SYCP1: variants seen among roughly 807,000 people sequenced by gnomAD.
SYCP1 encodes the protein cancer/testis antigen 8.
Under a neutral mutation model 153.1 loss-of-function variants are expected in SYCP1, and 64 were observed. The observed-to-expected ratio is 0.42, with a 90% CI of 0.34 to 0.51. SYCP1 has a LOEUF of 0.51. SYCP1 is among the 20% of genes least tolerant of loss of function. The pLI, the probability that SYCP1 is intolerant of heterozygous loss-of-function variation, is 0.06. For missense variants in SYCP1, 997 were observed against 1,049.0 expected (o/e 0.95, Z 0.68); for synonymous variants, 384 against 341.8 (o/e 1.12, Z -1.36).
chr1:114,952,170 ACTAC>A (rs1404750287), intron 27 of SYCP1, among the ~76,000 whole-genome samples: 2 of 152,122 alleles, frequency 1.3e-5, no homozygotes, highest in Admixed American at 1.3e-4. Context: ...TTCTGAAACA[ACTAC>A]CTAAGAATAC....
chr1:114,865,430 A>T (rs1406291417), intron 8 of SYCP1, among the ~76,000 whole-genome samples: 1 of 152,222 alleles, frequency 6.6e-6, no homozygotes, highest in Non-Finnish European at 1.5e-5. Context: ...TCTAACAGGC[A>T]GTCAGCTCAC....
At chr1:114,990,323 C>T (rs1673837267) in intron 30 of SYCP1, among the ~76,000 whole-genome samples, 1 of 151,842 alleles carries the variant, frequency 6.6e-6, no homozygotes, top group Admixed American at 6.6e-5. Context: ...TATACCTAAA[C>T]TTATGGGATA....
At chr1:114,871,233 T>C (rs1665096463) in intron 8 of SYCP1, among the ~76,000 whole-genome samples, 2 of 151,724 alleles carry the variant, frequency 1.3e-5, no homozygotes. Context: ...AGTGGTGCCA[T>C]CTCGGTTCAC....
At chr1:114,972,944 C>T (rs72695841) in intron 27 of SYCP1, among the ~76,000 whole-genome samples, 3,501 of 152,168 alleles carry the variant, frequency 0.023, 56 homozygotes, top group South Asian at 0.035. Context: ...TCCAGTGTTT[C>T]GTAGTTTTCT....
chr1:114,953,544 A>G (rs1671243002), intron 27 of SYCP1, among the ~76,000 whole-genome samples: 1 of 152,204 alleles, frequency 6.6e-6, no homozygotes, highest in Non-Finnish European at 1.5e-5. Context: ...CTCTGTCACC[A>G]GCTGTTGAAA....
intron 12 of SYCP1, among the ~76,000 whole-genome samples, chr1:114,878,556 T>C (rs893049797): frequency 1.3e-5 from 2 of 152,066 alleles, no homozygotes; most frequent in African/African-American, 4.8e-5. Flanking sequence ...ATTATTTTTG[T>C]TTTTTGAGAT....
chr1:114,877,666 T>C (rs939980607), intron 11 of SYCP1, among the ~76,000 whole-genome samples: 1 of 152,198 alleles, frequency 6.6e-6, no homozygotes, highest in Non-Finnish European at 1.5e-5. Flanking sequence ...GTGTTTTTGC[T>C]GAGGACTCCT....
chr1:114,960,163 GTTTTTTTTTTTTT>G (rs757126453), intron 27 of SYCP1, among the ~76,000 whole-genome samples: 8 of 109,476 alleles, frequency 7.3e-5, no homozygotes, highest in African/African-American at 2.7e-4. Flanking sequence ...TAGTTTGCTT[GTTTTTTTTTTTTT>G]TTTTTTTTTG....
chr1:114,922,205 T>A (rs1668939534), intron 20 of SYCP1, among the ~76,000 whole-genome samples: 1 of 152,156 alleles, frequency 6.6e-6, no homozygotes, highest in Non-Finnish European at 1.5e-5. Context: ...TATTATCCCC[T>A]TGAATCAACT....
chr1:114,979,756 A>T (rs1316040443), intron 28 of SYCP1, among the ~76,000 whole-genome samples: 1 of 151,888 alleles, frequency 6.6e-6, no homozygotes, highest in African/African-American at 2.4e-5. Flanking sequence ...CGCAGGAAAG[A>T]TATAAGCCAT....
chr1:114,904,633 T>A (rs1208286939), intron 16 of SYCP1, among the ~76,000 whole-genome samples: 1 of 152,228 alleles, frequency 6.6e-6, no homozygotes, highest in Non-Finnish European at 1.5e-5. Flanking sequence ...GTAAATGTTA[T>A]ATTAGGTTTA....
At position 114,917,449 on chromosome 1, in the gene SYCP1, A is replaced by T. The variant is rs150021041; in HGVS notation, c.1718+3404A>T. ...GCCATTGTGAACAGTGCTTCAATTA[A>T]CAGAGTGCAAATGTCTCTTAGATAT... On this transcript the variant is annotated intron_variant, in intron 20 of 31. Coordinates refer to ENST00000369522, the MANE Select transcript of SYCP1 (RefSeq NM_003176.4). Among the ~76,000 whole-genome samples the T allele has an allele frequency of 3.9e-5, 6 of 152,248 alleles. No homozygotes were observed. The East Asian group carries it at 1.2e-3, about 29-fold the overall frequency.
At chr1:114,890,955 CA>C (rs1666666357) in intron 15 of SYCP1, among the ~76,000 whole-genome samples, 1 of 152,078 alleles carries the variant, frequency 6.6e-6, no homozygotes, top group Non-Finnish European at 1.5e-5. Flanking sequence ...CATAATGGTA[CA>C]AAAATTGTAT....
At chr1:114,962,943 G>T (rs756374045) in intron 27 of SYCP1, among the ~76,000 whole-genome samples, 9 of 152,114 alleles carry the variant, frequency 5.9e-5, no homozygotes, top group Non-Finnish European at 1.2e-4. Flanking sequence ...AGTTACACTG[G>T]ATACAAAATT....
intron 27 of SYCP1, among the ~76,000 whole-genome samples, chr1:114,951,116 G>A (rs759584071): frequency 3.9e-5 from 6 of 152,086 alleles, no homozygotes; most frequent in Admixed American, 6.6e-5. Flanking sequence ...GAGCCACCAC[G>A]CCCGGCCTAA....
intron 20 of SYCP1, among the ~76,000 whole-genome samples, chr1:114,922,540 T>C (rs938730708): frequency 6.6e-6 from 1 of 151,940 alleles, no homozygotes; most frequent in African/African-American, 2.4e-5. Context: ...CTTTTAAACA[T>C]CCAAATGTTG....
intron 15 of SYCP1, among the ~76,000 whole-genome samples, chr1:114,888,014 G>A (rs890120495): frequency 1.3e-5 from 2 of 151,928 alleles, no homozygotes; most frequent in Non-Finnish European, 2.9e-5. Flanking sequence ...ATAATTCTTC[G>A]TGAGAAATGT....
In SYCP1 at chr1:114,878,111, C is replaced by A. The variant is rs1396180029; in HGVS notation, c.819C>A (p.Ile273=). 6.4e-7 allele frequency: 1 copy of A among 1,573,294 alleles called. No individual in the cohort carries two copies. The highest frequency in any genetic ancestry group is 1.1e-5 in the South Asian group (1 of 88,354). The change falls in exon 12 of 32, where the codon ATC becomes ATA. Residue 273 remains isoleucine, a synonymous_variant. Transcript: ENST00000369522. ...TATTTTAGGTATCACTACTATTGAT[C>A]CAAATCACTGAGAAAGAAAATAAAA... The part of the protein sequence containing the change: ...DKEKQVSLLL[I]QITEKENKMK...
intron 27 of SYCP1, among the ~76,000 whole-genome samples, chr1:114,967,551 C>T (rs1162388962): frequency 1.3e-5 from 2 of 152,100 alleles, no homozygotes; most frequent in African/African-American, 4.8e-5. Context: ...TTCCTCCATC[C>T]CTTTATTTTG....
Sources: gnomAD v4.1 joint callset for allele counts (sites outside exome capture counted in the v4.1 genomes callset) on GRCh38, gnomAD v4.1.1 for gene constraint, MANE v1.5 for transcripts, NCBI Gene and HGNC (gene_info 2026-07-23, HGNC 2026-07-21) for gene names.